Variants in DPYSL2 observed in about 807,000 individuals in gnomAD.
DPYSL2 encodes dihydropyrimidinase-related protein 2.
DPYSL2 carries 13 observed loss-of-function variants against 69.9 expected under a neutral mutation model. The observed-to-expected ratio is 0.19, with a 90% CI of 0.12 to 0.30. The LOEUF is 0.30. DPYSL2 is among the 10% of genes least tolerant of loss of function. The probability of loss-of-function intolerance (pLI) is 1.00; values close to 1 mark genes in which losing one functional copy is unlikely to be tolerated. For synonymous variants in DPYSL2, 326 were observed against 359.1 expected (o/e 0.91, Z 1.04); for missense variants, 587 against 918.9 (o/e 0.64, Z 4.67).
rs1473376970 is a variant in DPYSL2 at position 26,648,149 on chromosome 8, G to A, written c.1596+349G>A. ...CTTCTCATGGCAGTACTTGGTGCAA[G>A]GGACCTCAATGAAGCAGTGAGATGT... On this transcript the variant is annotated intron_variant, in intron 11 of 13. Transcript: ENST00000521913. This position sits in a 1 kb window ranked among gnomAD's most constrained non-coding sequence, Gnocchi z 4.3. Among the ~76,000 whole-genome samples, 1 of 152,140 alleles carries A rather than the reference G, an allele frequency of 6.6e-6. No individual in the cohort carries two copies. Among genetic ancestry groups the A allele is most frequent in the Non-Finnish European group, 1.5e-5 (1 of 68,026 alleles).
rs1460100701 is a variant in DPYSL2, at chr8:26,614,351, T to TG, written c.629-9788dup. Among the ~76,000 whole-genome samples the TG allele has an allele frequency of 1.3e-5, 2 of 151,396 alleles. No individual in the cohort carries two copies. Among genetic ancestry groups the TG allele is most frequent in the Non-Finnish European group, 2.9e-5 (2 of 67,862 alleles). On this transcript the variant is annotated intron_variant, in intron 3 of 13. Transcript: ENST00000521913. This position sits in a 1 kb window ranked among gnomAD's most constrained non-coding sequence, Gnocchi z 4.9. ...CCAAGAGGGAATGGGAGCGAGAAGG[T>TG]GGGGCGTCAGCAACATTCAGCTCCC...
At chr8:26,569,040 C>A (rs1801195452) in intron 1 of DPYSL2, among the ~76,000 whole-genome samples, 1 of 152,142 alleles carries the variant, frequency 6.6e-6, no homozygotes, top group Admixed American at 6.5e-5. Context: ...TCAGGTGAAT[C>A]CTCACCATCT....
intron 1 of DPYSL2, among the ~76,000 whole-genome samples, chr8:26,570,490 C>G (rs1801218904): frequency 6.6e-6 from 1 of 152,052 alleles, no homozygotes; most frequent in Non-Finnish European, 1.5e-5. Flanking sequence ...CCTGTAATCC[C>G]AACACTGGGA....
At chr8:26,599,724 T>A (rs1203380068) in intron 3 of DPYSL2, among the ~76,000 whole-genome samples, 1 of 151,894 alleles carries the variant, frequency 6.6e-6, no homozygotes, top group African/African-American at 2.4e-5. Context: ...CTCAAAAAAA[T>A]AAATAAATAA....
rs1398338657 is a variant in DPYSL2, at chr8:26,547,977, G to T, written c.354+33298G>T. 1.6e-5 allele frequency: 4 copies of T among 256,154 alleles called. No individual in the cohort carries two copies. The East Asian group carries it at 2.7e-4, about 17-fold the overall frequency. The allele number at this position is 256,154 out of a possible 1,614,324, so 15.9% of individuals were successfully genotyped here. On this transcript the variant is annotated intron_variant, in intron 1 of 13. Transcript: ENST00000521913. ...GCAGGAGGAGAAAGAAGTCTCCCTG[G>T]CATGAGAAGGTCCTTTTCCTGTTCC...
In DPYSL2 at chr8:26,564,044, G is replaced by A; in HGVS notation, c.355-17925G>A. On this transcript the variant is annotated intron_variant, in intron 1 of 13. Transcript: ENST00000521913. This position sits in a 1 kb window ranked among gnomAD's most constrained non-coding sequence, Gnocchi z 4.8. The stretch of plus-strand genomic sequence containing the variant: ...TTAGAAAGAAGAGTCATAAAAGCGT[G>A]AAAAGAGCCAGAAAAAAAGGCATCA... Among the ~76,000 whole-genome samples the A allele has an allele frequency of 6.6e-6, 1 of 152,144 alleles. No individual in the cohort carries two copies. The highest frequency in any genetic ancestry group is 2.1e-4 in the South Asian group (1 of 4,832).
intron 1 of DPYSL2, among the ~76,000 whole-genome samples, chr8:26,525,285 T>G (rs1260008565): frequency 6.6e-6 from 1 of 152,216 alleles, no homozygotes; most frequent in African/African-American, 2.4e-5. Flanking sequence ...GGTGGCATCA[T>G]CATAAGTTCA....
At position 26,580,900 on chromosome 8, in the gene DPYSL2, C is replaced by G. The variant is rs1452964152; in HGVS notation, c.355-1069C>G. ...CTTCCATCAGCAGCATTTGCAATAA[C>G]GATGAGTCATAATGTAGCATTTCTG... is the stretch of plus-strand genomic sequence containing the variant. On this transcript the variant is annotated intron_variant, in intron 1 of 13. Transcript: ENST00000521913. This position sits in a 1 kb window ranked among gnomAD's most constrained non-coding sequence, Gnocchi z 4.1. Among the ~76,000 whole-genome samples the G allele has an allele frequency of 6.6e-6, 1 of 152,176 alleles. No individual in the cohort carries two copies. The highest frequency in any genetic ancestry group is 1.5e-5 in the Non-Finnish European group (1 of 68,026).
chr8:26,605,264 G>A lies in DPYSL2; in HGVS notation c.629-18879G>A, dbSNP rs1802084194. Among the ~76,000 whole-genome samples, 1 of 151,984 alleles carries A rather than the reference G, an allele frequency of 6.6e-6. No homozygotes were observed. The highest frequency in any genetic ancestry group is 2.4e-5 in the African/African-American group (1 of 41,402). On this transcript the variant is annotated intron_variant, in intron 3 of 13. Coordinates refer to ENST00000521913, the MANE Select transcript of DPYSL2 (RefSeq NM_001197293.3). The surrounding 1 kb of genome is among the most constrained non-coding windows in gnomAD (Gnocchi z 4.1). ...TATGTTAGCCAGTGTAATAAGATAC[G>A]AAAAATAAGAAGTAATAATAATGGG...
rs1803318190 is a variant in DPYSL2 at position 26,653,351 on chromosome 8, G to C, written c.1896G>C (p.Gln632His). The C allele has an allele frequency of 6.2e-7, 1 of 1,614,030 alleles. No homozygotes were observed. The highest frequency in any genetic ancestry group is 1.1e-5 in the South Asian group (1 of 91,080). Reference protein sequence around the residue: ...SSAKTSPAKQQAPPVRNLHQS... With the variant: ...SSAKTSPAKQHAPPVRNLHQS... ...CCAAGACGTCTCCTGCCAAGCAGCA[G>C]GCCCCACCTGTCCGGAACCTGCACC... Residue 632 changes from glutamine to histidine, a missense_variant, in exon 13 of 14, where the codon CAG (glutamine) becomes CAC (histidine). Transcript: ENST00000521913. The surrounding 1 kb of genome is among the most constrained non-coding windows in gnomAD (Gnocchi z 5.7).
At position 26,652,840 on chromosome 8, in the gene DPYSL2, C is replaced by G. The variant is rs1335554015; in HGVS notation, c.1777-392C>G. ...GAGCATAGAAAATGTACAGTGTATT[C>G]AGGGCATGTGAAGCAGGAAAGAGAT... is the stretch of plus-strand genomic sequence containing the variant. On this transcript the variant is annotated intron_variant, in intron 12 of 13. Coordinates refer to ENST00000521913, the MANE Select transcript of DPYSL2 (RefSeq NM_001197293.3). The surrounding 1 kb of genome is among the most constrained non-coding windows in gnomAD (Gnocchi z 6.3). Among the ~76,000 whole-genome samples the G allele has an allele frequency of 6.6e-6, 1 of 152,014 alleles. No homozygotes were observed. Among genetic ancestry groups the G allele is most frequent in the African/African-American group, 2.4e-5 (1 of 41,380 alleles).
rs571447243 is a variant in DPYSL2 at position 26,574,288 on chromosome 8, C to G, written c.355-7681C>G. Reference sequence around the variant, plus strand: ...AGGGGCAGTGAGAAGTTTGCTCTGACACTGTGTGCGTGCACCCATTGAGCA... The same window carrying G: ...AGGGGCAGTGAGAAGTTTGCTCTGAGACTGTGTGCGTGCACCCATTGAGCA... On this transcript the variant is annotated intron_variant, in intron 1 of 13. Transcript: ENST00000521913. Among the ~76,000 whole-genome samples, 3 of 152,278 alleles carry G rather than the reference C, an allele frequency of 2.0e-5. No homozygotes were observed. The South Asian group carries it at 6.2e-4, about 32-fold the overall frequency.
At chr8:26,623,320 CA>C (rs1802540239) in intron 3 of DPYSL2, among the ~76,000 whole-genome samples, 1 of 152,174 alleles carries the variant, frequency 6.6e-6, no homozygotes, top group African/African-American at 2.4e-5. Flanking sequence ...ATCTGAAGAG[CA>C]GGGGGAAGTC....
At chr8:26,595,693 G>A (rs1476775549) in intron 3 of DPYSL2, among the ~76,000 whole-genome samples, 1 of 152,166 alleles carries the variant, frequency 6.6e-6, no homozygotes, top group Non-Finnish European at 1.5e-5. Context: ...TGGGTGTTTC[G>A]GCTAAGGAAG....
At chr8:26,651,864 T>C (rs907154245) in intron 11 of DPYSL2, among the ~76,000 whole-genome samples, 1 of 152,326 alleles carries the variant, frequency 6.6e-6, no homozygotes, top group African/African-American at 2.4e-5. Flanking sequence ...TGTGGATGGC[T>C]CATTTCAAGA....
chr8:26,612,305 T>G (rs1802248234), intron 3 of DPYSL2, among the ~76,000 whole-genome samples: 1 of 152,194 alleles, frequency 6.6e-6, no homozygotes, highest in South Asian at 2.1e-4. Flanking sequence ...TGAAGAACCA[T>G]AGTTCATCCA....
chr8:26,583,434 A>C (rs182024132), intron 2 of DPYSL2, among the ~76,000 whole-genome samples: 1 of 151,832 alleles, frequency 6.6e-6, no homozygotes, highest in Non-Finnish European at 1.5e-5. Context: ...AAGTACGGCC[A>C]GGTCTGGAGA....
intron 1 of DPYSL2, among the ~76,000 whole-genome samples, chr8:26,521,888 A>G (rs1409022457): frequency 6.6e-6 from 1 of 152,152 alleles, no homozygotes; most frequent in Non-Finnish European, 1.5e-5. Flanking sequence ...ATAATGTTCC[A>G]TTGTTTTGTA....
intron 1 of DPYSL2, chr8:26,577,110 C>T: frequency 2.3e-6 from 1 of 441,648 alleles, no homozygotes; most frequent in South Asian, 1.6e-5. Context: ...CAGCCTTCCC[C>T]GGATGCCTCC....
Sources: allele counts gnomAD v4.1 joint callset (sites outside exome capture counted in the v4.1 genomes callset), GRCh38; gene constraint gnomAD v4.1.1; non-coding constraint Gnocchi (gnomAD v3.1); transcripts MANE v1.5; gene names NCBI Gene and HGNC (gene_info 2026-07-23, HGNC 2026-07-21).